Variants in KIAA1549L observed in about 807,000 individuals in gnomAD.
The protein encoded by KIAA1549L is UPF0606 protein KIAA1549L.
Under a neutral mutation model 160.7 loss-of-function variants are expected in KIAA1549L, and 88 were observed. The observed-to-expected ratio is 0.55, with a 90% CI of 0.46 to 0.65. KIAA1549L has a LOEUF of 0.65. KIAA1549L is among the 30% of genes least tolerant of loss of function. The pLI is 0.00. For missense variants in KIAA1549L, 2,258 were observed against 2,437.5 expected, an observed-to-expected ratio of 0.93 and a Z score of 1.55; for synonymous variants, 950 against 976.7, an observed-to-expected ratio of 0.97 and a Z score of 0.51.
chr11:33,488,072 C>T (rs117346933), intron 1 of KIAA1549L, among the ~76,000 whole-genome samples: 1,840 of 152,290 alleles, frequency 0.012, 12 homozygotes, highest in Non-Finnish European at 0.02. Flanking sequence ...CTCCAATTCT[C>T]AGCTTTCTCA....
chr11:33,439,327 C>G (rs758490726), intron 1 of KIAA1549L, among the ~76,000 whole-genome samples: 1 of 152,130 alleles, frequency 6.6e-6, no homozygotes, highest in Non-Finnish European at 1.5e-5. Flanking sequence ...TTGTTACATG[C>G]ATAGGATATA....
chr11:33,648,779 C>T lies in KIAA1549L; in HGVS notation c.5760+2743C>T, dbSNP rs143246173. Among the ~76,000 whole-genome samples the T allele has an allele frequency of 9.0e-4, 137 of 152,018 alleles. 1 individual carries two copies. Among genetic ancestry groups the T allele is most frequent in the African/African-American group, 3.1e-3 (130 of 41,492 alleles). ...TCTATGCCAAGCAGAATTAAAACATCCTACAGCCTTCCTGTTGTTGGGAGA... is the reference window on the plus strand; with the variant it reads ...TCTATGCCAAGCAGAATTAAAACATTCTACAGCCTTCCTGTTGTTGGGAGA... On this transcript the variant is annotated intron_variant, in intron 17 of 20. Transcript: ENST00000658780.
At chr11:33,392,225 G>C (rs1850284844) in intron 1 of KIAA1549L, among the ~76,000 whole-genome samples, 1 of 152,160 alleles carries the variant, frequency 6.6e-6, no homozygotes, top group Admixed American at 6.5e-5. Context: ...AACATTTTAT[G>C]AAGTTGTCAA....
intron 17 of KIAA1549L, among the ~76,000 whole-genome samples, chr11:33,654,841 G>A (rs1475385666): frequency 6.6e-6 from 1 of 152,182 alleles, no homozygotes; most frequent in Non-Finnish European, 1.5e-5. Context: ...TTTAATCCTG[G>A]ACCTCGTCGT....
At chr11:33,424,435 CCTT>C (rs1290913865) in intron 1 of KIAA1549L, among the ~76,000 whole-genome samples, 1 of 152,114 alleles carries the variant, frequency 6.6e-6, no homozygotes, top group African/African-American at 2.4e-5. Flanking sequence ...TAATTTGGCT[CCTT>C]CTGCCTGTTT....
At chr11:33,574,987 C>T in intron 10 of KIAA1549L, 114 bp downstream of exon 10, 1 of 888,990 alleles carries the variant, frequency 1.1e-6, no homozygotes. Context: ...TATTTGTATT[C>T]TGGAAGGTTC....
rs563479086 is a variant in KIAA1549L, at chr11:33,422,890, T to G, written c.238+46001T>G. On this transcript the variant is annotated intron_variant, in intron 1 of 20. Transcript: ENST00000658780. ...GCACTGCCCTTATGGCTGTTGTGTATGTGATCATAGCCCCTACCAATTGTA... is the reference window on the plus strand; with the variant it reads ...GCACTGCCCTTATGGCTGTTGTGTAGGTGATCATAGCCCCTACCAATTGTA... Among the ~76,000 whole-genome samples, 133 of 152,256 alleles carry G rather than the reference T, an allele frequency of 8.7e-4. 1 individual carries two copies. The highest frequency in any genetic ancestry group is 7.4e-5 in the Non-Finnish European group (5 of 68,022).
At chr11:33,460,846 C>G (rs565512998) in intron 1 of KIAA1549L, among the ~76,000 whole-genome samples, 141 of 152,250 alleles carry the variant, frequency 9.3e-4, no homozygotes, top group African/African-American at 3.3e-3. Context: ...CTGGTCTTTG[C>G]TGTGTGGGAT....
chr11:33,480,469 G>A (rs77950265), intron 1 of KIAA1549L, among the ~76,000 whole-genome samples: 2 of 152,262 alleles, frequency 1.3e-5, no homozygotes, highest in South Asian at 2.1e-4. Flanking sequence ...GAATAATGCC[G>A]CTGTGAACAC....
intron 1 of KIAA1549L, among the ~76,000 whole-genome samples, chr11:33,409,484 A>G (rs1030057300): frequency 6.6e-6 from 1 of 152,174 alleles, no homozygotes; most frequent in African/African-American, 2.4e-5. Context: ...CTTCAGTGAC[A>G]TTTTTGCTAA....
At chr11:33,667,759 T>A in intron 20 of KIAA1549L, 114 bp from the exon 21 acceptor site, 2 of 868,792 alleles carry the variant, frequency 2.3e-6, no homozygotes, top group Non-Finnish European at 3.5e-6. Context: ...CATTTTCTTC[T>A]AAGTTCTCTT....
intron 1 of KIAA1549L, among the ~76,000 whole-genome samples, chr11:33,456,592 T>G (rs180708584): frequency 3.7e-4 from 56 of 152,144 alleles, no homozygotes; most frequent in African/African-American, 1.2e-3. Context: ...CATATTTTTT[T>G]GTAGAGACAG....
chr11:33,429,907 C>T (rs902760900), intron 1 of KIAA1549L, among the ~76,000 whole-genome samples: 6 of 152,136 alleles, frequency 3.9e-5, no homozygotes, highest in Non-Finnish European at 7.4e-5. Context: ...TCTCCCTCTT[C>T]CTGCTTCTTC....
chr11:33,551,335 A>T (rs1328191484), intron 5 of KIAA1549L, 76 bp downstream of exon 5: 1 of 1,230,082 alleles, frequency 8.1e-7, no homozygotes, highest in East Asian at 2.5e-5. Context: ...CCTGTTTAAA[A>T]GCTCCATTGC....
At chr11:33,394,318 A>G in intron 1 of KIAA1549L, among the ~76,000 whole-genome samples, 1 of 152,146 alleles carries the variant, frequency 6.6e-6, no homozygotes. Context: ...CCCAGGAGGC[A>G]GAGGCTGCAG....
intron 1 of KIAA1549L, among the ~76,000 whole-genome samples, chr11:33,454,648 G>A (rs1851785258): frequency 6.6e-6 from 1 of 152,002 alleles, no homozygotes; most frequent in South Asian, 2.1e-4. Context: ...AAGGTATATG[G>A]GTGTATTGTA....
chr11:33,586,327 G>A (rs887633221), intron 11 of KIAA1549L, among the ~76,000 whole-genome samples: 7 of 152,142 alleles, frequency 4.6e-5, no homozygotes, highest in Admixed American at 1.3e-4. Flanking sequence ...CCCGGGAGCC[G>A]AGACCAGAGT....
intron 17 of KIAA1549L, among the ~76,000 whole-genome samples, chr11:33,655,424 T>TTC (rs1852030975): frequency 5.3e-5 from 8 of 152,184 alleles, no homozygotes; most frequent in Admixed American, 5.2e-4. Flanking sequence ...TCCATTGCTT[T>TTC]TCTCCACTAA....
intron 14 of KIAA1549L, among the ~76,000 whole-genome samples, chr11:33,608,366 A>G (rs1199118028): frequency 6.6e-6 from 1 of 152,268 alleles, no homozygotes; most frequent in Non-Finnish European, 1.5e-5. Context: ...TTAGACAGCC[A>G]GTGAAGAAAG....
Sources: gnomAD v4.1 joint callset for allele counts (sites outside exome capture counted in the v4.1 genomes callset) on GRCh38, gnomAD v4.1.1 for gene constraint, MANE v1.5 for transcripts, NCBI Gene and HGNC (gene_info 2026-07-23, HGNC 2026-07-21) for gene names.